CBLB: variants seen among roughly 807,000 people sequenced by gnomAD.
CBLB encodes E3 ubiquitin-protein ligase CBL-B.
A neutral mutation model predicts 104.9 loss-of-function variants in CBLB; 31 were observed. The ratio of observed to expected loss-of-function variants is 0.30; its 90% confidence interval spans 0.22 to 0.40. The LOEUF is 0.40. Ranked by LOEUF, CBLB falls within the 10% of genes least tolerant of loss-of-function variation. CBLB has a pLI of 1.00. For missense variants in CBLB, 1,062 were observed against 1,214.6 expected (o/e 0.87, Z 1.87); for synonymous variants, 440 against 422.6 (o/e 1.04, Z -0.51).
intron 6 of CBLB, among the ~76,000 whole-genome samples, chr3:105,745,178 G>C (rs566879174): frequency 5.9e-5 from 9 of 152,278 alleles, no homozygotes; most frequent in Admixed American, 5.9e-4. Context: ...CATACTGCCT[G>C]CCATAGCACA....
At chr3:105,838,911 C>G (rs1002977047) in intron 3 of CBLB, among the ~76,000 whole-genome samples, 1 of 152,120 alleles carries the variant, frequency 6.6e-6, no homozygotes, top group Admixed American at 6.6e-5. Context: ...CCATCACGCC[C>G]GGCCCCCTCT....
rs377285533 is a variant in CBLB at position 105,776,485 on chromosome 3, T to G, written c.477A>C (p.Ala159=). The change falls in exon 4 of 19, where the codon GCA becomes GCC. Residue 159 remains alanine, a synonymous_variant. Transcript: ENST00000394030. ...IFSHMLAEIK[A]IFPNGQFQGD... ...CCTGGAATTGACCATTGGGAAAGAT[T>G]GCTTTGATTTCTGCCAGCATGTGAC... 3.7e-5 allele frequency: 60 copies of G among 1,613,728 alleles called. No individual in the cohort carries two copies. The Middle Eastern group carries it at 1.3e-3, about 35-fold the overall frequency.
At chr3:105,700,332 T>C (rs1409753072) in intron 12 of CBLB, among the ~76,000 whole-genome samples, 1 of 152,084 alleles carries the variant, frequency 6.6e-6, no homozygotes, top group Non-Finnish European at 1.5e-5. Flanking sequence ...ATAACAACTA[T>C]TATATTTCAA....
rs146461384 is a variant in CBLB at position 105,817,222 on chromosome 3, C to T, written c.419+36192G>A. On this transcript the variant is annotated intron_variant, in intron 3 of 18. Coordinates refer to ENST00000394030, the MANE Select transcript of CBLB (RefSeq NM_170662.5). ...ATTAAAGTGTTAAAGACTTCTCTAG[C>T]TTTAGCACATTGGGGAGCAAGATAT... Among the ~76,000 whole-genome samples the T allele has an allele frequency of 2.0e-4, 30 of 152,264 alleles. No homozygotes were observed. The East Asian group carries it at 5.6e-3, about 28-fold the overall frequency.
intron 12 of CBLB, among the ~76,000 whole-genome samples, chr3:105,699,089 CAAGT>C (rs1349388312): frequency 1.3e-5 from 2 of 151,938 alleles, no homozygotes; most frequent in African/African-American, 4.8e-5. Context: ...TTACTAGCAC[CAAGT>C]AAGTATTATA....
At chr3:105,716,367 T>C (rs928696097) in intron 10 of CBLB, among the ~76,000 whole-genome samples, 1 of 152,164 alleles carries the variant, frequency 6.6e-6, no homozygotes, top group African/African-American at 2.4e-5. Context: ...ACTTAGTAAA[T>C]ATTTATTGAG....
chr3:105,685,415 T>C lies in CBLB; in HGVS notation c.2106A>G (p.Val702=), dbSNP rs752885517. 1.1e-5 allele frequency: 17 copies of C among 1,612,850 alleles called. No homozygotes were observed. The South Asian group carries it at 1.9e-4, about 18-fold the overall frequency. ...NSLSEKTRDP[V]EEDDDEYKIP... ...TCTTGTATTCATCATCATCTTCCTC[T>C]ACTGGGTCTCTTGTTTTCTCTGAAA... is the stretch of plus-strand genomic sequence containing the variant. The change falls in exon 14 of 19, where the codon GTA becomes GTG. Residue 702 remains valine (V), a synonymous_variant. Coordinates refer to ENST00000394030, the MANE Select transcript of CBLB (RefSeq NM_170662.5).
chr3:105,659,697 C>A (rs1017836983), intron 18 of CBLB, among the ~76,000 whole-genome samples: 2 of 152,090 alleles, frequency 1.3e-5, no homozygotes, highest in African/African-American at 4.8e-5. Context: ...CATGGCAGAA[C>A]GTCCCCACAG....
At chr3:105,713,809 A>G (rs1576545565) in intron 10 of CBLB, among the ~76,000 whole-genome samples, 1 of 152,174 alleles carries the variant, frequency 6.6e-6, no homozygotes, top group Non-Finnish European at 1.5e-5. Flanking sequence ...GTGGGAAGGC[A>G]GTGGTGAGGA....
chr3:105,716,095 T>A (rs994746692), intron 10 of CBLB, among the ~76,000 whole-genome samples: 4 of 152,070 alleles, frequency 2.6e-5, no homozygotes, highest in African/African-American at 9.7e-5. Flanking sequence ...AGTGAATGAA[T>A]GAAAATGCAT....
chr3:105,686,697 G>A (rs6767808), intron 13 of CBLB, among the ~76,000 whole-genome samples: 80,952 of 151,762 alleles, frequency 0.53, 22,116 homozygotes, highest in Middle Eastern at 0.67. Context: ...GACATTCAAA[G>A]ATCAAAGAAA....
intron 10 of CBLB, among the ~76,000 whole-genome samples, chr3:105,718,795 C>G (rs547909291): frequency 6.6e-6 from 1 of 152,252 alleles, no homozygotes; most frequent in Admixed American, 6.5e-5. Context: ...ATATGAAGAC[C>G]TTTCACACCA....
intron 9 of CBLB, among the ~76,000 whole-genome samples, chr3:105,720,699 G>A (rs1003992520): frequency 1.3e-5 from 2 of 152,098 alleles, no homozygotes; most frequent in Non-Finnish European, 1.5e-5. Flanking sequence ...TACAATACTT[G>A]TGCATCTAAC....
intron 18 of CBLB, among the ~76,000 whole-genome samples, chr3:105,660,963 CTTCTT>C (rs1256328757): frequency 6.0e-4 from 78 of 129,034 alleles, no homozygotes; most frequent in African/African-American, 2.2e-3. Context: ...AGGATGTCTT[CTTCTT>C]TTTTTTTTTT....
chr3:105,843,338 T>G (rs1216591568), intron 3 of CBLB, among the ~76,000 whole-genome samples: 2 of 152,248 alleles, frequency 1.3e-5, no homozygotes, highest in Non-Finnish European at 2.9e-5. Context: ...GTTTGTTGCC[T>G]TCTCTTTGTC....
At chr3:105,738,042 T>G (rs2075138756) in intron 7 of CBLB, among the ~76,000 whole-genome samples, 1 of 152,162 alleles carries the variant, frequency 6.6e-6, no homozygotes, top group African/African-American at 2.4e-5. Context: ...TTTACTGTGT[T>G]GGTAAATACT....
At chr3:105,721,162 G>A (rs533744647) in intron 9 of CBLB, among the ~76,000 whole-genome samples, 1 of 152,224 alleles carries the variant, frequency 6.6e-6, no homozygotes, top group East Asian at 1.9e-4. Context: ...TTTAAAAGTG[G>A]CAAAAATCAC....
At chr3:105,824,900 A>G (rs1213798930) in intron 3 of CBLB, among the ~76,000 whole-genome samples, 1 of 152,142 alleles carries the variant, frequency 6.6e-6, no homozygotes, top group Non-Finnish European at 1.5e-5. Context: ...ATTCTTTGCA[A>G]AAGTGTTAGG....
chr3:105,861,712 TAC>T (rs147976333), intron 2 of CBLB, among the ~76,000 whole-genome samples: 161 of 138,894 alleles, frequency 1.2e-3, no homozygotes, highest in Non-Finnish European at 1.7e-3. Flanking sequence ...CACACATACA[TAC>T]ACACACACAC....
Sources: allele counts gnomAD v4.1 joint callset (sites outside exome capture counted in the v4.1 genomes callset), GRCh38; gene constraint gnomAD v4.1.1; transcripts MANE v1.5; gene names NCBI Gene and HGNC (gene_info 2026-07-23, HGNC 2026-07-21).